Variants in FAM204A observed in about 807,000 individuals in gnomAD.
FAM204A encodes protein FAM204A.
A neutral mutation model predicts 35.4 loss-of-function variants in FAM204A; 16 were observed. The ratio of observed to expected loss-of-function variants is 0.45; its 90% CI spans 0.31 to 0.69. The LOEUF (loss-of-function observed/expected upper bound fraction) is 0.69, where lower values mean the gene tolerates loss of function less well. Among genes scored for constraint, FAM204A ranks in the 30% least tolerant of loss-of-function variants. The pLI is 0.07. For missense variants in FAM204A, 240 were observed against 265.7 expected (o/e 0.90, Z 0.67); for synonymous variants, 76 against 86.9 (o/e 0.88, Z 0.70).
At position 118,298,982 on chromosome 10, in the gene FAM204A, G is replaced by C. The variant is rs1218518893; in HGVS notation, c.*11875C>G. On this transcript the variant is annotated 3_prime_UTR_variant, in exon 9 of 9. Transcript: ENST00000369183. Reference sequence around the variant, plus strand: ...GGTTGCCTAGCAACCACTAGACATTGTTTTGCTGCTTCACTCTAGAGAAGC... The same window carrying C: ...GGTTGCCTAGCAACCACTAGACATTCTTTTGCTGCTTCACTCTAGAGAAGC... 2 of 152,222 alleles carry C rather than the reference G, an allele frequency of 1.3e-5. No homozygotes were observed. The highest frequency in any genetic ancestry group is 2.9e-5 in the Non-Finnish European group (2 of 68,032). 9.4% of individuals were successfully genotyped at this position (152,222 alleles called of 1,614,324 possible). A position where few individuals can be genotyped will look rare whatever the true frequency, so the allele number is the denominator to read the frequency against.
At chr10:118,322,884 C>A (rs1255881371) in intron 7 of FAM204A, among the ~76,000 whole-genome samples, 3 of 151,992 alleles carry the variant, frequency 2.0e-5, no homozygotes, top group East Asian at 3.9e-4. Flanking sequence ...ATAGAACCTG[C>A]AGTAAAATAA....
intron 7 of FAM204A, among the ~76,000 whole-genome samples, chr10:118,314,550 A>G (rs983799453): frequency 6.6e-5 from 10 of 152,208 alleles, no homozygotes; most frequent in African/African-American, 2.4e-4. Context: ...ATATAAAAGA[A>G]TATCGTGCTG....
chr10:118,336,215 C>T lies in FAM204A; in HGVS notation c.201G>A (p.Glu67=), dbSNP rs769675559. 1 of 1,613,798 alleles carries T rather than the reference C, an allele frequency of 6.2e-7. No individual in the cohort carries two copies. The highest frequency in any genetic ancestry group is 2.2e-5 in the East Asian group (1 of 44,878). Residue 67 remains glutamate (E), a synonymous_variant, in exon 3 of 9, where the codon GAG becomes GAA. Transcript: ENST00000369183. ...ETESNVNAYE[E]CPSGIPIDMW... Reference sequence around the variant, plus strand: ...TATCTATGGGAATTCCAGAAGGACACTCTTCATAGGCATTTACATTTGACT... The same window carrying T: ...TATCTATGGGAATTCCAGAAGGACATTCTTCATAGGCATTTACATTTGACT...
intron 2 of FAM204A, among the ~76,000 whole-genome samples, chr10:118,336,962 CGTA>C (rs1564764795): frequency 6.6e-6 from 1 of 152,012 alleles, no homozygotes; most frequent in Admixed American, 6.6e-5. Flanking sequence ...AGGAAGGTAT[CGTA>C]GTAAAAAGGA....
chr10:118,337,680 G>A (rs1846410270), intron 2 of FAM204A, among the ~76,000 whole-genome samples: 1 of 152,104 alleles, frequency 6.6e-6, no homozygotes, highest in Non-Finnish European at 1.5e-5. Flanking sequence ...ACTACTAGTA[G>A]TATGAGGAAA....
Position 118,335,347 on chromosome 10 carries a change from C to T in FAM204A, c.353+49G>A, listed in dbSNP as rs776713228. On this transcript the variant is annotated intron_variant, in intron 5 of 8. Transcript: ENST00000369183. The stretch of plus-strand genomic sequence containing the variant: ...TTACTATCAGAAACAATTAGTTCAA[C>T]AATTTCTACAATGGCCTAAAATAGA... The T allele has an allele frequency of 3.2e-6, 5 of 1,572,560 alleles. No individual in the cohort carries two copies. The Admixed American group carries it at 5.5e-5, about 17-fold the overall frequency.
At chr10:118,336,098 A>G (rs1312943494) in intron 3 of FAM204A, 84 bp downstream of exon 3, 75 of 1,474,698 alleles carry the variant, frequency 5.1e-5, no homozygotes, top group Non-Finnish European at 6.3e-5. Flanking sequence ...CCAAGAATAC[A>G]TGCACATTCT....
In FAM204A at chr10:118,310,557, G is replaced by T; in HGVS notation, c.*300C>A. The T allele has an allele frequency of 3.3e-6, 1 of 304,884 alleles. No homozygotes were observed. The allele number at this position is 304,884 out of a possible 1,614,324, so 18.9% of individuals were successfully genotyped here. ...CTGTGCTAAACCAAATGAATGGAAA[G>T]CGCCAAAAGTGATTTTATACCAAGG... On this transcript the variant is annotated 3_prime_UTR_variant, in exon 9 of 9. Transcript: ENST00000369183.
rs1845778045 is a variant in FAM204A at position 118,298,922 on chromosome 10, T to C, written c.*11935A>G. The C allele has an allele frequency of 6.6e-6, 1 of 152,224 alleles. No homozygotes were observed. Among genetic ancestry groups the C allele is most frequent in the Non-Finnish European group, 1.5e-5 (1 of 68,046 alleles). 9.4% of individuals were successfully genotyped at this position (152,224 alleles called of 1,614,324 possible). On this transcript the variant is annotated 3_prime_UTR_variant, in exon 9 of 9. Coordinates refer to ENST00000369183, the MANE Select transcript of FAM204A (RefSeq NM_022063.3). ...AAATAAAACAATCTAAGAAGGCAGA[T>C]AATGTTTAATGGAAAAGGGCAGCGA...
intron 7 of FAM204A, among the ~76,000 whole-genome samples, chr10:118,311,894 G>C (rs972410576): frequency 1.3e-5 from 2 of 152,188 alleles, no homozygotes; most frequent in African/African-American, 4.8e-5. Context: ...CTGAGCACCA[G>C]GACCACAGTA....
chr10:118,340,422 TG>T lies in FAM204A; in HGVS notation c.-9+1304del, dbSNP rs201450535. Among the ~76,000 whole-genome samples the T allele has an allele frequency of 9.7e-4, 148 of 152,350 alleles. 6 individuals carry two copies. The East Asian group carries it at 0.028, about 28-fold the overall frequency. ...ATTCTTAAGCTATAAAATAAAGGTT[TG>T]ATCAAATGATCTCTGAGATGTCTTA... On this transcript the variant is annotated intron_variant, in intron 2 of 8. Transcript: ENST00000369183.
chr10:118,311,926 G>A (rs984480064), intron 7 of FAM204A, among the ~76,000 whole-genome samples: 2 of 152,106 alleles, frequency 1.3e-5, no homozygotes, highest in African/African-American at 4.8e-5. Context: ...CCTGTGCAGG[G>A]CCCTCTATGT....
chr10:118,320,248 A>G (rs1446083775), intron 7 of FAM204A, among the ~76,000 whole-genome samples: 1 of 150,422 alleles, frequency 6.6e-6, no homozygotes, highest in Non-Finnish European at 1.5e-5. Flanking sequence ...TATTTATAAT[A>G]AAAAATTAAT....
rs1012322937 is a variant in FAM204A at position 118,303,440 on chromosome 10, C to G, written c.*7417G>C. 1 of 152,234 alleles carries G rather than the reference C, an allele frequency of 6.6e-6. No homozygotes were observed. Among genetic ancestry groups the G allele is most frequent in the Non-Finnish European group, 1.5e-5 (1 of 68,094 alleles). The allele number at this position is 152,234 out of a possible 1,614,324, so 9.4% of individuals were successfully genotyped here. A position where few individuals can be genotyped will look rare whatever the true frequency, so the allele number is the denominator to read the frequency against. ...AAGGACCAGGTATGTATCCTCCACC[C>G]CTTCCATCCATCCCTCCTTTCATCC... is the stretch of plus-strand genomic sequence containing the variant. On this transcript the variant is annotated 3_prime_UTR_variant, in exon 9 of 9. Transcript: ENST00000369183.
chr10:118,311,076 C>CATTGATAAACATTTATAATCGT, intron 8 of FAM204A, 131 bp downstream of exon 8: 1 of 1,033,856 alleles, frequency 9.7e-7, no homozygotes, highest in Non-Finnish European at 1.4e-6. Flanking sequence ...TATTTATAAT[C>CATTGATAAACATTTATAATCGT]TGATAAACAT....
At chr10:118,340,212 T>G (rs1305393234) in intron 2 of FAM204A, among the ~76,000 whole-genome samples, 4 of 152,160 alleles carry the variant, frequency 2.6e-5, no homozygotes, top group African/African-American at 9.7e-5. Context: ...AAAAAAACAT[T>G]CATAAATAAG....
In FAM204A at chr10:118,326,220, G is replaced by A. The variant is rs375193510; in HGVS notation, c.477C>T (p.Asp159=). 6.2e-7 allele frequency: 1 copy of A among 1,613,376 alleles called. No individual in the cohort carries two copies. The highest frequency in any genetic ancestry group is 1.7e-5 in the Admixed American group (1 of 59,940). Residue 159 remains aspartate, a synonymous_variant, in exon 7 of 9, where the codon GAC becomes GAT. Coordinates refer to ENST00000369183, the MANE Select transcript of FAM204A (RefSeq NM_022063.3). ...VEKSGLEKRI[D]QAVEEWNIEK... is the part of the protein sequence containing the mutation. ...CAATATTCCACTCCTCCACAGCCTGGTCTATCCTCTTTTCAAGGCCTGACT... is the reference window on the plus strand; with the variant it reads ...CAATATTCCACTCCTCCACAGCCTGATCTATCCTCTTTTCAAGGCCTGACT...
At chr10:118,317,205 A>C (rs544162001) in intron 7 of FAM204A, among the ~76,000 whole-genome samples, 3 of 152,246 alleles carry the variant, frequency 2.0e-5, no homozygotes, top group African/African-American at 7.2e-5. Flanking sequence ...ATCATGAAGA[A>C]AGAAACCAAG....
intron 6 of FAM204A, among the ~76,000 whole-genome samples, chr10:118,330,486 A>G (rs1846272346): frequency 6.6e-6 from 1 of 152,236 alleles, no homozygotes; most frequent in East Asian, 1.9e-4. Context: ...AGCTCTGGGT[A>G]AATGACATAC....
Sources: gnomAD v4.1 joint callset for allele counts (sites outside exome capture counted in the v4.1 genomes callset) on GRCh38, gnomAD v4.1.1 for gene constraint, MANE v1.5 for transcripts, NCBI Gene and HGNC (gene_info 2026-07-23, HGNC 2026-07-21) for gene names.